The following CDON variants were observed in gnomAD, a reference collection of about 807,000 sequenced individuals.
CDON encodes the protein cell adhesion associated, oncogene regulated, also known as cell adhesion molecule-related/down-regulated by oncogenes.
CDON carries 73 observed loss-of-function variants against 120.9 expected under a neutral mutation model. That is an observed-to-expected ratio of 0.60 (90% CI 0.50 to 0.73). CDON has a LOEUF of 0.73. CDON is among the 30% of genes least tolerant of loss of function. The pLI is 0.00. For missense variants in CDON, 1,470 were observed against 1,587.3 expected (o/e 0.93, Z 1.26); for synonymous variants, 566 against 573.5 (o/e 0.99, Z 0.19).
At chr11:125,989,029 C>T (rs1034424210) in intron 15 of CDON, among the ~76,000 whole-genome samples, 1 of 151,166 alleles carries the variant, frequency 6.6e-6, no homozygotes, top group Non-Finnish European at 1.5e-5. Flanking sequence ...AGTGAGATGC[C>T]GTCTCTAAAA....
intron 1 of CDON, among the ~76,000 whole-genome samples, chr11:126,024,986 C>T (rs1418041197): frequency 1.3e-5 from 2 of 152,222 alleles, no homozygotes; most frequent in African/African-American, 2.4e-5. Context: ...AGGCGGATCA[C>T]TTGAGGTCAG....
chr11:125,972,106 T>C (rs917136737), intron 18 of CDON, among the ~76,000 whole-genome samples: 10 of 152,288 alleles, frequency 6.6e-5, no homozygotes, highest in South Asian at 2.1e-4. Flanking sequence ...TAGGCATTCA[T>C]AGTGAGCTTT....
At position 126,017,171 on chromosome 11, in the gene CDON, G is replaced by A. The variant is rs201323548; in HGVS notation, c.845C>T (p.Pro282Leu). The A allele has an allele frequency of 2.1e-5, 34 of 1,614,102 alleles. No homozygotes were observed. The highest frequency in any genetic ancestry group is 6.7e-5 in the Admixed American group (4 of 60,020). ...YSHLATDSVDPADSGNYSCMA... is the reference protein window; with the variant it reads ...YSHLATDSVDLADSGNYSCMA... ...GCAGGAATAGTTTCCGGAGTCCGCC[G>A]GGTCAACGCTATCAGTGGCAAGATG... is the stretch of plus-strand genomic sequence containing the variant. Residue 282 changes from proline to leucine, a missense_variant, in exon 6 of 20, where the codon CCG (proline) becomes CTG (leucine). Coordinates refer to ENST00000531738, the MANE Select transcript of CDON (RefSeq NM_001378964.1).
intron 1 of CDON, among the ~76,000 whole-genome samples, chr11:126,032,291 G>A (rs906901423): frequency 6.6e-6 from 1 of 151,934 alleles, no homozygotes; most frequent in African/African-American, 2.4e-5. Flanking sequence ...GGATACGTTT[G>A]GGGGATGGAG....
rs957316586 is a variant in CDON, at chr11:126,028,183, T to A, written c.-61-4646A>T. Among the ~76,000 whole-genome samples the A allele has an allele frequency of 1.1e-4, 17 of 152,188 alleles. No individual in the cohort carries two copies. In the East Asian group the frequency reaches 2.5e-3, roughly 22 times the overall value. On this transcript the variant is annotated intron_variant, in intron 1 of 19. Coordinates refer to ENST00000531738, the MANE Select transcript of CDON (RefSeq NM_001378964.1). ...CAATACAGAATGTGCAGAAAATACA[T>A]AAACGTATAAAAAGGAAAGTAAACA... is the stretch of plus-strand genomic sequence containing the variant.
In CDON at chr11:126,056,615, A is replaced by C. The variant is rs567202363; in HGVS notation, c.-62+5964T>G. ...CAGCCAAAGTCCCTTCCAAAATTTA[A>C]AACAAACAAACAAAAACCCTTCTGA... On this transcript the variant is annotated intron_variant, in intron 1 of 19. Transcript: ENST00000531738. 7.9e-5 allele frequency among the ~76,000 whole-genome samples: 12 copies of C among 152,116 alleles called. No individual in the cohort carries two copies. The East Asian group carries it at 2.1e-3, about 27-fold the overall frequency.
At chr11:125,986,601 T>A (rs1174312434) in intron 15 of CDON, among the ~76,000 whole-genome samples, 1 of 151,744 alleles carries the variant, frequency 6.6e-6, no homozygotes, top group Non-Finnish European at 1.5e-5. Context: ...CCATCTCTAC[T>A]AAAAATACAA....
In CDON at chr11:126,017,342, G is replaced by A; in HGVS notation, c.674C>T (p.Pro225Leu). The stretch of plus-strand genomic sequence containing the variant: ...AACAGCTAATGCCTGTGAATGGGTG[G>A]GGTGAAGAATGTGAACATCATCTGA... ...PSSDDVHILHPTHSQALAVLS... is the reference protein window; with the variant it reads ...PSSDDVHILHLTHSQALAVLS... Residue 225 changes from proline (P) to leucine (L), a missense_variant, in exon 6 of 20, where the codon CCC becomes CTC. Pro to Leu is a moderately conservative substitution (Grantham distance 98). Coordinates refer to ENST00000531738, the MANE Select transcript of CDON (RefSeq NM_001378964.1). The A allele has an allele frequency of 6.2e-7, 1 of 1,614,116 alleles. No individual in the cohort carries two copies. The highest frequency in any genetic ancestry group is 8.5e-7 in the Non-Finnish European group (1 of 1,179,990).
intron 9 of CDON, 59 bp downstream of exon 9, chr11:126,005,700 T>C (rs545747849): frequency 1.4e-6 from 2 of 1,479,426 alleles, no homozygotes; most frequent in African/African-American, 2.8e-5. Flanking sequence ...CAACAGTATA[T>C]GTTATACAAA....
In CDON at chr11:126,058,337, G is replaced by A. The variant is rs139241745; in HGVS notation, c.-62+4242C>T. On this transcript the variant is annotated intron_variant, in intron 1 of 19. Transcript: ENST00000531738. ...TTCTCTCTGGCCATCAAAATATACC[G>A]CACAGCAAAGCGACTAAACAGCTGT... Among the ~76,000 whole-genome samples, 681 of 152,122 alleles carry A rather than the reference G, an allele frequency of 4.5e-3. 8 individuals are homozygous for A. The highest frequency in any genetic ancestry group is 0.011 in the African/African-American group (450 of 41,500).
chr11:126,046,687 A>G (rs915126617), intron 1 of CDON, among the ~76,000 whole-genome samples: 3 of 151,808 alleles, frequency 2.0e-5, no homozygotes, highest in African/African-American at 7.3e-5. Flanking sequence ...CTAAATCCCA[A>G]TCTTCAATGG....
At chr11:125,990,555 A>G (rs991030516) in intron 14 of CDON, among the ~76,000 whole-genome samples, 1 of 152,230 alleles carries the variant, frequency 6.6e-6, no homozygotes, top group African/African-American at 2.4e-5. Flanking sequence ...TAACTCTTCA[A>G]GCACCCTTAA....
chr11:126,001,019 T>C (rs1021858986), intron 11 of CDON, among the ~76,000 whole-genome samples: 3 of 152,074 alleles, frequency 2.0e-5, no homozygotes, highest in African/African-American at 7.2e-5. Context: ...TAAGATTAAC[T>C]AGATATAGCA....
chr11:125,994,859 A>T lies in CDON; in HGVS notation c.2544+12T>A. The stretch of plus-strand genomic sequence containing the variant: ...AAACCACAAAATCTCATTCCAGAAG[A>T]TGTGTACTGACCGTCCACTTTAGCA... On this transcript the variant is annotated intron_variant, in intron 13 of 19. Transcript: ENST00000531738. The T allele has an allele frequency of 6.2e-7, 1 of 1,608,066 alleles. No individual in the cohort carries two copies. The highest frequency in any genetic ancestry group is 1.3e-5 in the African/African-American group (1 of 74,868).
At chr11:125,996,561 G>A (rs541612824) in intron 12 of CDON, among the ~76,000 whole-genome samples, 54 of 151,778 alleles carry the variant, frequency 3.6e-4, no homozygotes, top group Admixed American at 1.3e-3. Flanking sequence ...TTAGCTGGGC[G>A]TAGTGGCAGG....
intron 3 of CDON, among the ~76,000 whole-genome samples, chr11:126,020,657 C>T (rs928704198): frequency 1.3e-5 from 2 of 152,210 alleles, no homozygotes; most frequent in Non-Finnish European, 2.9e-5. Flanking sequence ...GAAGCCATCA[C>T]CGTTTGAAAC....
Position 125,957,344 on chromosome 11 carries a change from T to TGG in CDON, c.*3596_*3597dup, listed in dbSNP as rs1269263290. On this transcript the variant is annotated 3_prime_UTR_variant, in exon 20 of 20. Transcript: ENST00000531738. ...GGGGAGTTTCAGGGGAGGACAGGGG[T>TGG]GGGGGGTTCCAAAGAATTTCAGAGG... 6 of 151,478 alleles carry TGG rather than the reference T, an allele frequency of 4.0e-5. No homozygotes were observed. Among genetic ancestry groups the TGG allele is most frequent in the African/African-American group, 1.5e-4 (6 of 41,132 alleles). The allele number at this position is 151,478 out of a possible 1,614,324, so 9.4% of individuals were successfully genotyped here.
chr11:126,056,062 AC>A (rs1184755389), intron 1 of CDON, among the ~76,000 whole-genome samples: 1 of 152,158 alleles, frequency 6.6e-6, no homozygotes, highest in East Asian at 1.9e-4. Context: ...ATTTCATGGA[AC>A]CTCAGTCCTA....
chr11:125,982,374 G>T (rs548112507), intron 16 of CDON, among the ~76,000 whole-genome samples: 1 of 152,288 alleles, frequency 6.6e-6, no homozygotes, highest in African/African-American at 2.4e-5. Context: ...GTATCTCTTA[G>T]AAACTAGAGT....
Sources: gnomAD v4.1 joint callset for allele counts (sites outside exome capture counted in the v4.1 genomes callset) on GRCh38, gnomAD v4.1.1 for gene constraint, MANE v1.5 for transcripts, NCBI Gene and HGNC (gene_info 2026-07-23, HGNC 2026-07-21) for gene names.